SOX6: variants seen among roughly 807,000 people sequenced by gnomAD.
SOX6 encodes the protein transcription factor SOX-6.
Under a neutral mutation model 97.8 loss-of-function variants are expected in SOX6, and 11 were observed. The ratio of observed to expected loss-of-function variants is 0.11; its 90% CI spans 0.07 to 0.19. The LOEUF is 0.19. SOX6 is among the 10% of genes least tolerant of loss of function. SOX6 has a pLI of 1.00. For synonymous variants in SOX6, 360 were observed against 371.4 expected, an observed-to-expected ratio of 0.97 and a Z score of 0.35; for missense variants, 810 against 1,039.5, an observed-to-expected ratio of 0.78 and a Z score of 3.04.
chr11:16,153,009 G>A (rs1435728958), intron 6 of SOX6, among the ~76,000 whole-genome samples: 1 of 152,094 alleles, frequency 6.6e-6, no homozygotes, highest in Non-Finnish European at 1.5e-5. Flanking sequence ...TGGGACTATA[G>A]GTGTGTGCCA....
rs374995036 is a variant in SOX6, at chr11:16,268,141, T to C, written c.446-33470A>G. Among the ~76,000 whole-genome samples, 49 of 151,380 alleles carry C rather than the reference T, an allele frequency of 3.2e-4. No homozygotes were observed. In the South Asian group the frequency reaches 6.6e-3, roughly 21 times the overall value. ...GACATATTGTATAGCATGGTGAATA[T>C]AGCTAGTAATTGAGTACTGCACATT... is the stretch of plus-strand genomic sequence containing the variant. On this transcript the variant is annotated intron_variant, in intron 3 of 15. Coordinates refer to ENST00000683767, the MANE Select transcript of SOX6 (RefSeq NM_001367873.1).
intron 9 of SOX6, among the ~76,000 whole-genome samples, chr11:16,092,844 T>C (rs1848720866): frequency 6.7e-6 from 1 of 149,076 alleles, no homozygotes; most frequent in African/African-American, 2.5e-5. Flanking sequence ...CTGAAGTCCC[T>C]TTTTCATTAA....
chr11:16,624,160 C>T (rs1848588401), intron 3 of SOX6, among the ~76,000 whole-genome samples: 1 of 119,468 alleles, frequency 8.4e-6, no homozygotes, highest in African/African-American at 3.0e-5. Flanking sequence ...TCATGCATTT[C>T]AGTGAAAGAT....
At chr11:16,216,941 G>A (rs1036706019) in intron 4 of SOX6, among the ~76,000 whole-genome samples, 1 of 152,158 alleles carries the variant, frequency 6.6e-6, no homozygotes, top group Admixed American at 6.5e-5. Context: ...TCAACTGTGA[G>A]GGTTAGAGAA....
rs1168777022 is a variant in SOX6 at position 16,721,596 on chromosome 11, CTCTT to C, written n.354-6695_354-6692del. ...CCTCCCTCCCTCTCTCTCTCTCTCTCTCTTCCCTCCCTCCCTCCCTCCCTCTCTC... is the reference window on the plus strand; with the variant it reads ...CCTCCCTCCCTCTCTCTCTCTCTCTCCCCTCCCTCCCTCCCTCCCTCTCTC... On this transcript the variant is annotated intron_variant and non_coding_transcript_variant, in intron 2 of 5. Coordinates refer to the SOX6 transcript ENST00000524520. 4.3e-4 allele frequency among the ~76,000 whole-genome samples: 24 copies of C among 55,956 alleles called. 1 individual carries two copies. Among genetic ancestry groups the C allele is most frequent in the African/African-American group, 2.0e-3 (23 of 11,504 alleles). 36.7% of individuals were successfully genotyped at this position (55,956 alleles called of 152,430 possible).
At chr11:16,130,985 A>G (rs930433213) in intron 6 of SOX6, among the ~76,000 whole-genome samples, 1 of 152,000 alleles carries the variant, frequency 6.6e-6, no homozygotes, top group Non-Finnish European at 1.5e-5. Context: ...AAACCTAACC[A>G]TAAGACCTAA....
rs181532359 is a variant in SOX6, at chr11:16,209,613, G to C, written c.536-22658C>G. Among the ~76,000 whole-genome samples the C allele has an allele frequency of 4.1e-3, 630 of 152,152 alleles. 2 individuals carry two copies. Among genetic ancestry groups the C allele is most frequent in the South Asian group, 0.029 (142 of 4,820 alleles). On this transcript the variant is annotated intron_variant, in intron 4 of 15. Transcript: ENST00000683767. The stretch of plus-strand genomic sequence containing the variant: ...TCTACTAAAATACACAAATTAGCTG[G>C]GCGTGGTGGTGAGTGCCTGTCCCCA...
chr11:16,056,712 A>G (rs73417079), intron 9 of SOX6, among the ~76,000 whole-genome samples: 2,672 of 152,224 alleles, frequency 0.018, 74 homozygotes, highest in African/African-American at 0.061. Context: ...TGGCAAACCA[A>G]TGATCTTATT....
At chr11:16,026,963 G>A (rs1029788102) in intron 12 of SOX6, among the ~76,000 whole-genome samples, 1 of 152,078 alleles carries the variant, frequency 6.6e-6, no homozygotes, top group African/African-American at 2.4e-5. Flanking sequence ...CCAACTGTGG[G>A]GATATGTGTT....
intron 4 of SOX6, among the ~76,000 whole-genome samples, chr11:16,552,882 T>C (rs1014332890): frequency 1.3e-5 from 2 of 152,172 alleles, no homozygotes; most frequent in Admixed American, 1.3e-4. Context: ...TCTGACACAG[T>C]TGGAGAACCA....
chr11:16,438,805 C>T (rs1009036710), intron 1 of SOX6, among the ~76,000 whole-genome samples: 3 of 149,924 alleles, frequency 2.0e-5, no homozygotes, highest in Admixed American at 2.0e-4. Context: ...TCTTGAGCAA[C>T]CTTTATAGTC....
upstream of SOX6, among the ~76,000 whole-genome samples, chr11:16,359,449 G>A (rs927885495): frequency 6.6e-6 from 1 of 152,002 alleles, no homozygotes; most frequent in African/African-American, 2.4e-5. Flanking sequence ...GGGAGTAGTA[G>A]GTCTGAATTT....
At chr11:16,063,102 T>C (rs1471256878) in intron 9 of SOX6, among the ~76,000 whole-genome samples, 1 of 151,724 alleles carries the variant, frequency 6.6e-6, no homozygotes, top group African/African-American at 2.4e-5. Flanking sequence ...ACCAATCTCT[T>C]AAATAAATTG....
intron 9 of SOX6, among the ~76,000 whole-genome samples, chr11:16,094,651 T>G (rs1268353917): frequency 6.6e-6 from 1 of 151,906 alleles, no homozygotes; most frequent in Non-Finnish European, 1.5e-5. Flanking sequence ...TAATGTCCAG[T>G]CATTTCTTTC....
chr11:16,315,571 T>C (rs527375860), intron 3 of SOX6: 5 of 152,200 alleles, frequency 3.3e-5, no homozygotes, highest in Non-Finnish European at 7.3e-5. Flanking sequence ...CAATAGAGAT[T>C]GCTGCATATC....
intron 4 of SOX6, among the ~76,000 whole-genome samples, chr11:16,517,493 T>C (rs887777778): frequency 1.3e-5 from 2 of 152,172 alleles, no homozygotes; most frequent in Non-Finnish European, 2.9e-5. Context: ...TTTGAAAATA[T>C]AAAATTTTAC....
chr11:16,480,592 T>TA (rs1195086154), upstream of SOX6, among the ~76,000 whole-genome samples: 2 of 152,086 alleles, frequency 1.3e-5, no homozygotes, highest in African/African-American at 4.8e-5. Context: ...GCTACATTTT[T>TA]AAATCCTGCT....
At chr11:16,725,532 AAC>A (rs1242636948) in intron 2 of SOX6, among the ~76,000 whole-genome samples, 1 of 152,064 alleles carries the variant, frequency 6.6e-6, no homozygotes, top group Non-Finnish European at 1.5e-5. Flanking sequence ...AAGTGAAAGG[AAC>A]CAGTCACAAA....
At chr11:16,172,296 T>C (rs1851060985) in intron 6 of SOX6, among the ~76,000 whole-genome samples, 1 of 152,060 alleles carries the variant, frequency 6.6e-6, no homozygotes, top group African/African-American at 2.4e-5. Context: ...AAAATTATGA[T>C]ATTTCACTTG....
Sources: allele counts gnomAD v4.1 joint callset (sites outside exome capture counted in the v4.1 genomes callset), GRCh38; gene constraint gnomAD v4.1.1; transcripts MANE v1.5; gene names NCBI Gene and HGNC (gene_info 2026-07-23, HGNC 2026-07-21).